ARMC2: variants seen among roughly 807,000 people sequenced by gnomAD.
ARMC2 encodes the protein armadillo repeat-containing protein 2.
ARMC2 carries 67 observed loss-of-function variants against 90.3 expected under a neutral mutation model. That is an observed-to-expected ratio of 0.74 (90% confidence interval 0.61 to 0.91). The LOEUF (loss-of-function observed/expected upper bound fraction) is 0.91, where lower values mean the gene tolerates loss of function less well. ARMC2 is among the 40% of genes least tolerant of loss of function. The pLI is 0.00. For synonymous variants in ARMC2, 393 were observed against 393.0 expected (o/e 1.00, Z 0.00); for missense variants, 920 against 1,030.9 (o/e 0.89, Z 1.47).
At chr6:109,047,421 G>A in the ARMC2 span, among the ~76,000 whole-genome samples, 4 of 115,852 alleles carry the variant, frequency 3.5e-5, no homozygotes, top group Non-Finnish European at 5.9e-5. Context: ...CCCCTACTGG[G>A]AAGTGAGGAG....
At chr6:108,882,569 CAA>C (rs1410246343) in intron 5 of ARMC2, among the ~76,000 whole-genome samples, 3 of 151,596 alleles carry the variant, frequency 2.0e-5, no homozygotes, top group Non-Finnish European at 4.4e-5. Context: ...AAAAATGTAT[CAA>C]GAGGAAAGCT....
At position 108,874,156 on chromosome 6, in the gene ARMC2, C is replaced by T. The variant is rs538189503; in HGVS notation, c.464-1987C>T. Among the ~76,000 whole-genome samples, 15 of 152,226 alleles carry T rather than the reference C, an allele frequency of 9.9e-5. No homozygotes were observed. The East Asian group carries it at 1.5e-3, about 16-fold the overall frequency. Reference sequence around the variant, plus strand: ...CATAGTTACACATGCTCAGTTTCATCGAGGACATTCATCAGGAATGAGAGT... The same window carrying T: ...CATAGTTACACATGCTCAGTTTCATTGAGGACATTCATCAGGAATGAGAGT... On this transcript the variant is annotated intron_variant, in intron 4 of 17. Transcript: ENST00000392644.
chr6:108,929,133 C>G (rs1288740901), intron 11 of ARMC2, among the ~76,000 whole-genome samples: 4 of 152,078 alleles, frequency 2.6e-5, no homozygotes, highest in Admixed American at 1.3e-4. Flanking sequence ...CCCCAGCCCC[C>G]TCCTTCCCTC....
intron 12 of ARMC2, among the ~76,000 whole-genome samples, chr6:108,948,528 A>C (rs1412392125): frequency 6.6e-6 from 1 of 151,038 alleles, no homozygotes; most frequent in Non-Finnish European, 1.5e-5. Context: ...TTGGTGCTGC[A>C]GACGGCGCAA....
intron 3 of ARMC2, among the ~76,000 whole-genome samples, chr6:108,859,480 C>T (rs1034589891): frequency 2.6e-5 from 4 of 151,996 alleles, no homozygotes; most frequent in Non-Finnish European, 4.4e-5. Flanking sequence ...TTTTTCTTCT[C>T]TGGAAGTTTG....
chr6:108,943,181 T>A (rs912809815), intron 12 of ARMC2, among the ~76,000 whole-genome samples: 1 of 152,110 alleles, frequency 6.6e-6, no homozygotes, highest in Non-Finnish European at 1.5e-5. Context: ...AGTCACAAAA[T>A]TTTCCATTAT....
intron 2 of ARMC2, among the ~76,000 whole-genome samples, chr6:108,857,188 T>A (rs1774719584): frequency 6.6e-6 from 1 of 152,222 alleles, no homozygotes; most frequent in Admixed American, 6.5e-5. Context: ...TATTGAGTCT[T>A]CCTAGCCATG....
At chr6:108,987,499 A>T in the ARMC2 span, 2 of 1,086,576 alleles carry the variant, frequency 1.8e-6, no homozygotes, top group Non-Finnish European at 2.8e-6. Context: ...CTTGTAGACT[A>T]TATCTGCTGA....
chr6:108,850,331 TTAAAA>T (rs1773877481), intron 1 of ARMC2, among the ~76,000 whole-genome samples: 1 of 152,192 alleles, frequency 6.6e-6, no homozygotes, highest in East Asian at 1.9e-4. Flanking sequence ...CCTGTTTCTT[TTAAAA>T]GGTCCCTTGC....
chr6:108,976,754 C>G (rs957231673), downstream of ARMC2, among the ~76,000 whole-genome samples: 1 of 152,106 alleles, frequency 6.6e-6, no homozygotes, highest in Admixed American at 6.6e-5. Flanking sequence ...ATTTTATTCT[C>G]TTTGTAGCAA....
At chr6:108,956,952 G>C (rs1211960935) in intron 13 of ARMC2, among the ~76,000 whole-genome samples, 1 of 152,172 alleles carries the variant, frequency 6.6e-6, no homozygotes, top group Non-Finnish European at 1.5e-5. Flanking sequence ...AGATCGTACT[G>C]TTGCACTCCA....
chr6:108,978,691 G>A (rs998395980), downstream of ARMC2, among the ~76,000 whole-genome samples: 21 of 152,024 alleles, frequency 1.4e-4, no homozygotes, highest in Admixed American at 3.3e-4. Context: ...GTATTGATGC[G>A]TACATATTTA....
chr6:108,988,978 G>A, the ARMC2 span, among the ~76,000 whole-genome samples: 1 of 152,150 alleles, frequency 6.6e-6, no homozygotes, highest in African/African-American at 2.4e-5. Context: ...GTGTATATCT[G>A]CAATCATGAA....
At chr6:109,026,596 T>C in the ARMC2 span, among the ~76,000 whole-genome samples, 82 of 152,062 alleles carry the variant, frequency 5.4e-4, no homozygotes, top group Non-Finnish European at 2.9e-5. Context: ...GCCTCCCAGT[T>C]TCGGTTCAAG....
chr6:108,866,621 A>G (rs886704520), intron 3 of ARMC2, among the ~76,000 whole-genome samples: 2 of 152,216 alleles, frequency 1.3e-5, no homozygotes, highest in African/African-American at 4.8e-5. Context: ...GAAGGAGACT[A>G]CTGTCTCTGT....
chr6:108,946,301 C>T (rs1776807999), intron 12 of ARMC2, among the ~76,000 whole-genome samples: 1 of 152,182 alleles, frequency 6.6e-6, no homozygotes, highest in Non-Finnish European at 1.5e-5. Flanking sequence ...GCTGATAGAA[C>T]AGATAGATGG....
chr6:108,894,189 C>T (rs1771370811), intron 5 of ARMC2, among the ~76,000 whole-genome samples: 1 of 151,866 alleles, frequency 6.6e-6, no homozygotes, highest in Non-Finnish European at 1.5e-5. Context: ...CATAGTGAGA[C>T]CCTGTCTCTA....
intron 5 of ARMC2, among the ~76,000 whole-genome samples, chr6:108,883,816 A>G (rs535385022): frequency 9.9e-5 from 15 of 152,236 alleles, no homozygotes; most frequent in Middle Eastern, 3.4e-3. Flanking sequence ...GATTCCATTT[A>G]TATGTATCCA....
At chr6:109,028,835 GAAC>G in the ARMC2 span, among the ~76,000 whole-genome samples, 3 of 152,138 alleles carry the variant, frequency 2.0e-5, no homozygotes, top group Non-Finnish European at 2.9e-5. Context: ...TATCAGAAAA[GAAC>G]AACCCCCAAA....
Sources: allele counts gnomAD v4.1 joint callset (sites outside exome capture counted in the v4.1 genomes callset), GRCh38; gene constraint gnomAD v4.1.1; transcripts MANE v1.5; gene names NCBI Gene and HGNC (gene_info 2026-07-23, HGNC 2026-07-21).